The following CDK14 variants were observed in gnomAD, a reference collection of about 807,000 sequenced individuals.
The protein encoded by CDK14 is cyclin dependent kinase 14.
In CDK14, 34 loss-of-function variants were observed where a neutral mutation model predicts 60.7. The observed-to-expected ratio is 0.56, with a 90% confidence interval of 0.43 to 0.75. The LOEUF (loss-of-function observed/expected upper bound fraction) is 0.75. Ranked by LOEUF, CDK14 falls within the 30% of genes least tolerant of loss-of-function variation. The pLI is 0.00. For synonymous variants in CDK14, 197 were observed against 203.7 expected, an observed-to-expected ratio of 0.97 and a Z score of 0.28; for missense variants, 482 against 564.1, an observed-to-expected ratio of 0.85 and a Z score of 1.47.
rs185248056 is a variant in CDK14, at chr7:90,935,215, C to T, written c.826+17491C>T. ...CCTGCCATAATGCCATTAATCCATT[C>T]ATGAGGGCAGAGCTCTCATAACCTG... On this transcript the variant is annotated intron_variant, in intron 8 of 14. Coordinates refer to ENST00000380050, the MANE Select transcript of CDK14 (RefSeq NM_001287135.2). 8.5e-4 allele frequency among the ~76,000 whole-genome samples: 130 copies of T among 152,312 alleles called. No individual in the cohort carries two copies. The Middle Eastern group carries it at 0.014, about 16-fold the overall frequency.
chr7:91,057,537 A>G (rs997593675), intron 11 of CDK14, among the ~76,000 whole-genome samples: 2 of 152,150 alleles, frequency 1.3e-5, no homozygotes, highest in African/African-American at 2.4e-5. Context: ...TTATGGTTTT[A>G]GGTCTAATGG....
chr7:90,986,694 G>A (rs1795380928), intron 10 of CDK14, among the ~76,000 whole-genome samples: 1 of 151,682 alleles, frequency 6.6e-6, no homozygotes, highest in African/African-American at 2.4e-5. Context: ...ACTTTAATGG[G>A]CTGTAGTTTA....
intron 8 of CDK14, among the ~76,000 whole-genome samples, chr7:90,945,093 G>A (rs1442080238): frequency 6.6e-6 from 1 of 152,184 alleles, no homozygotes; most frequent in Non-Finnish European, 1.5e-5. Flanking sequence ...AACATAGAAA[G>A]GGATGGGAAG....
At chr7:90,696,555 T>A (rs1423244582) in intron 2 of CDK14, among the ~76,000 whole-genome samples, 1 of 152,072 alleles carries the variant, frequency 6.6e-6, no homozygotes, top group Non-Finnish European at 1.5e-5. Context: ...CCTCAAGTGA[T>A]CCGCCCACCT....
At chr7:90,949,534 G>T (rs777394480) in intron 8 of CDK14, among the ~76,000 whole-genome samples, 3 of 152,042 alleles carry the variant, frequency 2.0e-5, no homozygotes, top group African/African-American at 7.2e-5. Context: ...AATCTGTGCC[G>T]TTTAGGATAT....
At chr7:91,053,806 C>A (rs1054443675) in intron 11 of CDK14, among the ~76,000 whole-genome samples, 2 of 151,902 alleles carry the variant, frequency 1.3e-5, no homozygotes, top group Admixed American at 1.3e-4. Context: ...AGGAAGACTG[C>A]GGGGGGGCTC....
At chr7:90,830,697 T>A (rs557191004) in intron 5 of CDK14, among the ~76,000 whole-genome samples, 1 of 152,324 alleles carries the variant, frequency 6.6e-6, no homozygotes, top group Non-Finnish European at 1.5e-5. Flanking sequence ...TAAACATAAG[T>A]TCCAATGTCA....
intron 14 of CDK14, among the ~76,000 whole-genome samples, chr7:91,179,147 A>G (rs1237257293): frequency 6.6e-6 from 1 of 152,152 alleles, no homozygotes; most frequent in Non-Finnish European, 1.5e-5. Context: ...AATGTGGCAC[A>G]TATACACCAT....
At chr7:91,027,039 T>C (rs1796594752) in intron 10 of CDK14, among the ~76,000 whole-genome samples, 1 of 152,198 alleles carries the variant, frequency 6.6e-6, no homozygotes, top group Non-Finnish European at 1.5e-5. Context: ...AGTATCAGTG[T>C]TCAAAAACCA....
chr7:90,921,192 C>A (rs527350969), intron 8 of CDK14, among the ~76,000 whole-genome samples: 1 of 152,168 alleles, frequency 6.6e-6, no homozygotes, highest in Non-Finnish European at 1.5e-5. Context: ...CGTGTCCTCA[C>A]CACCTTGTTG....
chr7:90,914,638 A>G (rs1188504774), intron 7 of CDK14, among the ~76,000 whole-genome samples: 3 of 152,224 alleles, frequency 2.0e-5, no homozygotes, highest in Non-Finnish European at 4.4e-5. Context: ...TTTAGTGTAT[A>G]GTGGCATTTT....
chr7:90,999,804 A>G (rs568789782), intron 10 of CDK14, among the ~76,000 whole-genome samples: 1 of 152,352 alleles, frequency 6.6e-6, no homozygotes, highest in East Asian at 1.9e-4. Flanking sequence ...GCAACTTTTA[A>G]TAGAAAATAA....
chr7:90,665,345 T>C (rs2116515202), intron 2 of CDK14, among the ~76,000 whole-genome samples: 1 of 152,310 alleles, frequency 6.6e-6, no homozygotes, highest in East Asian at 1.9e-4. Flanking sequence ...ATTCATTCTT[T>C]AGTTATTTTG....
At chr7:90,742,550 G>C (rs908756272) in intron 3 of CDK14, among the ~76,000 whole-genome samples, 26 of 151,766 alleles carry the variant, frequency 1.7e-4, no homozygotes, top group African/African-American at 6.0e-4. Flanking sequence ...TAATACTTTT[G>C]TCTTATATTT....
intron 6 of CDK14, among the ~76,000 whole-genome samples, chr7:90,868,278 G>GTATATATACACACTATA (rs1791250020): frequency 1.3e-5 from 2 of 148,424 alleles, no homozygotes; most frequent in Non-Finnish European, 3.0e-5. Flanking sequence ...ACATATATAT[G>GTATATATACACACTATA]TATATATACA....
chr7:91,046,893 T>C (rs1353198458), intron 11 of CDK14, among the ~76,000 whole-genome samples: 1 of 152,204 alleles, frequency 6.6e-6, no homozygotes, highest in African/African-American at 2.4e-5. Flanking sequence ...GAATAAATTA[T>C]CAGTTCCAAA....
chr7:90,987,538 TA>T (rs1333866548), intron 10 of CDK14, among the ~76,000 whole-genome samples: 1 of 152,150 alleles, frequency 6.6e-6, no homozygotes, highest in Non-Finnish European at 1.5e-5. Flanking sequence ...CAAAGCCAGA[TA>T]AAGAGAAATC....
At chr7:91,114,659 A>G (rs971760761) in intron 13 of CDK14, among the ~76,000 whole-genome samples, 2 of 152,176 alleles carry the variant, frequency 1.3e-5, no homozygotes, top group African/African-American at 4.8e-5. Context: ...TAAAGATGAA[A>G]AATCATTATA....
intron 2 of CDK14, among the ~76,000 whole-genome samples, chr7:90,621,185 C>T (rs1254087507): frequency 6.6e-6 from 1 of 152,188 alleles, no homozygotes; most frequent in African/African-American, 2.4e-5. Context: ...GAAAATCTCC[C>T]TGTACCTCCT....
Sources: allele counts gnomAD v4.1 joint callset (sites outside exome capture counted in the v4.1 genomes callset), GRCh38; gene constraint gnomAD v4.1.1; transcripts MANE v1.5; gene names NCBI Gene and HGNC (gene_info 2026-07-23, HGNC 2026-07-21).